The following LMX1B variants were observed in gnomAD, a reference collection of about 807,000 sequenced individuals.
LMX1B encodes LIM homeobox transcription factor 1 beta.
LMX1B carries 12 observed loss-of-function variants against 51.4 expected under a neutral mutation model. The ratio of observed to expected loss-of-function variants is 0.23; its 90% CI spans 0.15 to 0.38. LMX1B has a LOEUF of 0.38. Ranked by LOEUF, LMX1B falls within the 10% of genes least tolerant of loss-of-function variation. The pLI, the probability that LMX1B is intolerant of heterozygous loss-of-function variation, is 1.00. For synonymous variants in LMX1B, 237 were observed against 235.4 expected (o/e 1.01, Z -0.06); for missense variants, 445 against 571.1 (o/e 0.78, Z 2.25).
chr9:126,648,267 T>C (rs1239021443), intron 2 of LMX1B, among the ~76,000 whole-genome samples: 1 of 152,222 alleles, frequency 6.6e-6, no homozygotes, highest in African/African-American at 2.4e-5. Flanking sequence ...GGAACATTAG[T>C]GAACCCAGGG....
chr9:126,688,586 T>C (rs1298254437), intron 2 of LMX1B, among the ~76,000 whole-genome samples: 1 of 152,190 alleles, frequency 6.6e-6, no homozygotes, highest in Non-Finnish European at 1.5e-5. Flanking sequence ...AAACCCAGGC[T>C]CCTTCCTCAG....
At chr9:126,679,815 C>T (rs1320656037) in intron 2 of LMX1B, among the ~76,000 whole-genome samples, 1 of 152,248 alleles carries the variant, frequency 6.6e-6, no homozygotes, top group East Asian at 1.9e-4. Context: ...GCTTTTCCAC[C>T]TCTACACAGA....
chr9:126,619,049 C>T (rs895651558), intron 2 of LMX1B, among the ~76,000 whole-genome samples: 12 of 152,292 alleles, frequency 7.9e-5, no homozygotes, highest in Non-Finnish European at 1.5e-5. Flanking sequence ...CCGCCGGGCC[C>T]GCTGGGGGCC....
chr9:126,656,151 G>A (rs1836112095), intron 2 of LMX1B, among the ~76,000 whole-genome samples: 1 of 152,184 alleles, frequency 6.6e-6, no homozygotes, highest in South Asian at 2.1e-4. Context: ...AGTTCATTGG[G>A]AGAATAGATA....
chr9:126,645,476 C>G (rs1455810260), intron 2 of LMX1B, among the ~76,000 whole-genome samples: 1 of 152,242 alleles, frequency 6.6e-6, no homozygotes, highest in African/African-American at 2.4e-5. Flanking sequence ...CAAGGGACAT[C>G]GTTCCCAAGC....
chr9:126,638,641 A>G (rs1292096411), intron 2 of LMX1B, among the ~76,000 whole-genome samples: 5 of 152,096 alleles, frequency 3.3e-5, no homozygotes, highest in Non-Finnish European at 5.9e-5. Context: ...GGAGACAGCC[A>G]GTGCTTAGCA....
chr9:126,614,939 C>CT (rs1835273129), intron 1 of LMX1B, among the ~76,000 whole-genome samples: 1 of 152,090 alleles, frequency 6.6e-6, no homozygotes, highest in Admixed American at 6.5e-5. Context: ...GGGGGAGATT[C>CT]TAAGAGAAAA....
Position 126,671,177 on chromosome 9 carries a change from A to G in LMX1B, c.327-19659A>G, listed in dbSNP as rs1836442461. Among the ~76,000 whole-genome samples, 1 of 152,202 alleles carries G rather than the reference A, an allele frequency of 6.6e-6. No homozygotes were observed. On this transcript the variant is annotated intron_variant, in intron 2 of 7. Coordinates refer to ENST00000373474, the MANE Select transcript of LMX1B (RefSeq NM_001174147.2). The surrounding 1 kb of genome is among the most constrained non-coding windows in gnomAD (Gnocchi z 4.4). Reference sequence around the variant, plus strand: ...GTTGGCAGGAATTCAATCCCACCCCAGTAAACCCAGCTCTGCTTCGCCACC... The same window carrying G: ...GTTGGCAGGAATTCAATCCCACCCCGGTAAACCCAGCTCTGCTTCGCCACC...
In LMX1B at chr9:126,673,252, C is replaced by T. The variant is rs1836492303; in HGVS notation, c.327-17584C>T. On this transcript the variant is annotated intron_variant, in intron 2 of 7. Coordinates refer to ENST00000373474, the MANE Select transcript of LMX1B (RefSeq NM_001174147.2). This position sits in a 1 kb window ranked among gnomAD's most constrained non-coding sequence, Gnocchi z 4.4. ...CCCAGACACCACAGGGAGCCCCTAC[C>T]TAGGGAAAGGGCATTGAGGGGACCT... Among the ~76,000 whole-genome samples, 3 of 152,140 alleles carry T rather than the reference C, an allele frequency of 2.0e-5. No homozygotes were observed. The highest frequency in any genetic ancestry group is 7.2e-5 in the African/African-American group (3 of 41,458).
chr9:126,651,466 C>T (rs953161303), intron 2 of LMX1B, among the ~76,000 whole-genome samples: 3 of 152,112 alleles, frequency 2.0e-5, no homozygotes, highest in South Asian at 4.1e-4. Context: ...AAGGGGACAG[C>T]GGCCTCCTGT....
chr9:126,626,228 G>T lies in LMX1B; in HGVS notation c.326+10659G>T, dbSNP rs1016392554. ...AGAGGTCGGGGACGCCAGAGTGCAC[G>T]CAGTCTCCTGCGCGCCGAGCCCAGG... On this transcript the variant is annotated intron_variant, in intron 2 of 7. Transcript: ENST00000373474. This position sits in a 1 kb window ranked among gnomAD's most constrained non-coding sequence, Gnocchi z 4.3. Among the ~76,000 whole-genome samples, 3 of 152,244 alleles carry T rather than the reference G, an allele frequency of 2.0e-5. No individual in the cohort carries two copies. Among genetic ancestry groups the T allele is most frequent in the Non-Finnish European group, 4.4e-5 (3 of 68,038 alleles).
At position 126,695,773 on chromosome 9, in the gene LMX1B, GGCTGCTGGGGT is replaced by G; in HGVS notation, c.887-64_887-54del. The G allele has an allele frequency of 6.3e-7, 1 of 1,579,792 alleles. No homozygotes were observed. The highest frequency in any genetic ancestry group is 2.2e-5 in the East Asian group (1 of 44,534). Reference sequence around the variant, plus strand: ...GAGTCCCAAGGAGATCAGAAGGGGAGGCTGCTGGGGTGTAGCTGGGAGGGCGTGGACCAGGC... The same window carrying G: ...GAGTCCCAAGGAGATCAGAAGGGGAGGTAGCTGGGAGGGCGTGGACCAGGC... On this transcript the variant is annotated intron_variant, in intron 6 of 7. Coordinates refer to ENST00000373474, the MANE Select transcript of LMX1B (RefSeq NM_001174147.2). The surrounding 1 kb of genome is among the most constrained non-coding windows in gnomAD (Gnocchi z 5.2).
intron 2 of LMX1B, among the ~76,000 whole-genome samples, chr9:126,683,245 A>T (rs1478428981): frequency 6.6e-6 from 1 of 151,126 alleles, no homozygotes; most frequent in Non-Finnish European, 1.5e-5. Flanking sequence ...CTCGCCGCGC[A>T]TTCCAGCCGC....
chr9:126,650,984 G>A (rs938437743), intron 2 of LMX1B, among the ~76,000 whole-genome samples: 1 of 152,204 alleles, frequency 6.6e-6, no homozygotes, highest in African/African-American at 2.4e-5. Flanking sequence ...AAGATAAACG[G>A]AATTGTTTAT....
Position 126,695,936 on chromosome 9 carries a change from C to A in LMX1B, c.984C>A (p.Gly328=). 6.2e-7 allele frequency: 1 copy of A among 1,613,348 alleles called. No individual in the cohort carries two copies. The highest frequency in any genetic ancestry group is 8.5e-7 in the Non-Finnish European group (1 of 1,179,768). Residue 328 remains glycine (G), a synonymous_variant, in exon 7 of 8, where the codon GGC becomes GGA. Coordinates refer to ENST00000373474, the MANE Select transcript of LMX1B (RefSeq NM_001174147.2). This position sits in a 1 kb window ranked among gnomAD's most constrained non-coding sequence, Gnocchi z 5.2. ...QIVAMEQSPY[G]SSDPFQQGLT... ...TGGCCATGGAACAGAGCCCCTACGG[C>A]AGCAGCGACCCCTTCCAGCAGGGCC... is the stretch of plus-strand genomic sequence containing the variant.
Position 126,658,502 on chromosome 9 carries a change from A to AT in LMX1B, c.327-32333dup, listed in dbSNP as rs2118915828. Among the ~76,000 whole-genome samples, 1 of 152,282 alleles carries AT rather than the reference A, an allele frequency of 6.6e-6. No homozygotes were observed. The highest frequency in any genetic ancestry group is 2.4e-5 in the African/African-American group (1 of 41,556). ...TAGATTTGGGAAGGACTAATTAGAT[A>AT]TAATTCATTATCCTCAAAAATGAGA... On this transcript the variant is annotated intron_variant, in intron 2 of 7. Coordinates refer to ENST00000373474, the MANE Select transcript of LMX1B (RefSeq NM_001174147.2). This position sits in a 1 kb window ranked among gnomAD's most constrained non-coding sequence, Gnocchi z 4.0.
chr9:126,665,069 C>T (rs1028426506), intron 2 of LMX1B, among the ~76,000 whole-genome samples: 12 of 152,242 alleles, frequency 7.9e-5, no homozygotes, highest in African/African-American at 2.9e-4. Flanking sequence ...AGTGTCCATT[C>T]AGGAATTGCT....
chr9:126,671,730 A>T lies in LMX1B; in HGVS notation c.327-19106A>T, dbSNP rs7032423. On this transcript the variant is annotated intron_variant, in intron 2 of 7. Transcript: ENST00000373474. This position sits in a 1 kb window ranked among gnomAD's most constrained non-coding sequence, Gnocchi z 4.4. Reference sequence around the variant, plus strand: ...ATAACCAGCAGCTGGGTCACCAGGCACACAAAGGCAGTGTAATATCCTGTG... The same window carrying T: ...ATAACCAGCAGCTGGGTCACCAGGCTCACAAAGGCAGTGTAATATCCTGTG... Among the ~76,000 whole-genome samples the T allele has an allele frequency of 1.6e-3, 245 of 152,278 alleles. 2 individuals carry two copies. Among genetic ancestry groups the T allele is most frequent in the Middle Eastern group, 6.8e-3 (2 of 294 alleles).
At chr9:126,650,395 G>A (rs984518481) in intron 2 of LMX1B, among the ~76,000 whole-genome samples, 7 of 152,174 alleles carry the variant, frequency 4.6e-5, no homozygotes, top group South Asian at 2.1e-4. Context: ...AGAGGCAGGC[G>A]GGAGCTCCGA....
Sources: gnomAD v4.1 joint callset for allele counts (sites outside exome capture counted in the v4.1 genomes callset) on GRCh38, gnomAD v4.1.1 for gene constraint, Gnocchi (gnomAD v3.1) non-coding constraint, MANE v1.5 for transcripts, NCBI Gene and HGNC (gene_info 2026-07-23, HGNC 2026-07-21) for gene names.